The following PALM2AKAP2 variants were observed in gnomAD, a reference collection of about 807,000 sequenced individuals.
PALM2AKAP2 encodes PALM2 and AKAP2 fusion.
PALM2AKAP2 carries 37 observed loss-of-function variants against 71.5 expected under a neutral mutation model. The observed-to-expected ratio is 0.52, with a 90% CI of 0.40 to 0.68. The LOEUF is 0.68. Ranked by LOEUF, PALM2AKAP2 falls within the 30% of genes least tolerant of loss-of-function variation. PALM2AKAP2 has a pLI of 0.00. For missense variants in PALM2AKAP2, 1,224 were observed against 1,191.8 expected (o/e 1.03, Z -0.40); for synonymous variants, 468 against 478.8 (o/e 0.98, Z 0.29).
intron 1 of PALM2AKAP2, among the ~76,000 whole-genome samples, chr9:109,709,025 G>C (rs1011893703): frequency 6.6e-6 from 1 of 152,190 alleles, no homozygotes; most frequent in African/African-American, 2.4e-5. Context: ...GATGGGGCCA[G>C]CTATAGTGGT....
At chr9:109,999,168 G>A (rs1402160400) in intron 6 of PALM2AKAP2, among the ~76,000 whole-genome samples, 2 of 151,846 alleles carry the variant, frequency 1.3e-5, no homozygotes, top group Non-Finnish European at 2.9e-5. Flanking sequence ...GCGAAATCCC[G>A]TCTCTACTAA....
At chr9:109,742,679 T>C (rs960698938) in intron 1 of PALM2AKAP2, among the ~76,000 whole-genome samples, 2 of 152,222 alleles carry the variant, frequency 1.3e-5, no homozygotes, top group Admixed American at 6.5e-5. Flanking sequence ...ATTTCTTATA[T>C]ATACCACATA....
intron 1 of PALM2AKAP2, among the ~76,000 whole-genome samples, chr9:109,712,092 A>G (rs1293018405): frequency 6.6e-6 from 1 of 152,094 alleles, no homozygotes; most frequent in Non-Finnish European, 1.5e-5. Context: ...GAACTGACAG[A>G]TACATATACT....
At chr9:109,914,047 C>G (rs10453217) in intron 3 of PALM2AKAP2, among the ~76,000 whole-genome samples, 3 of 152,236 alleles carry the variant, frequency 2.0e-5, no homozygotes, top group Non-Finnish European at 2.9e-5. Context: ...TGAACCACCG[C>G]GCCCGGCCAA....
At chr9:110,059,763 C>T (rs1023695821) in intron 1 of PALM2AKAP2, among the ~76,000 whole-genome samples, 1 of 152,068 alleles carries the variant, frequency 6.6e-6, no homozygotes, top group Non-Finnish European at 1.5e-5. Context: ...TCCACCTTAC[C>T]ATCTGATCTG....
chr9:110,006,885 A>AG, intron 6 of PALM2AKAP2, among the ~76,000 whole-genome samples: 1 of 152,034 alleles, frequency 6.6e-6, no homozygotes, highest in Non-Finnish European at 1.5e-5. Context: ...CCACATCCTC[A>AG]GGGAAGGCTG....
At chr9:110,027,508 G>T (rs990163819) in intron 7 of PALM2AKAP2, among the ~76,000 whole-genome samples, 1 of 152,100 alleles carries the variant, frequency 6.6e-6, no homozygotes, top group Non-Finnish European at 1.5e-5. Context: ...AATGAAGTCT[G>T]GTATTCTTAT....
chr9:110,088,227 C>T (rs1834616359), intron 1 of PALM2AKAP2, among the ~76,000 whole-genome samples: 1 of 143,536 alleles, frequency 7.0e-6, no homozygotes, highest in Non-Finnish European at 1.5e-5. Context: ...CCATTGGTTA[C>T]TTGGTGTATG....
intron 7 of PALM2AKAP2, chr9:110,024,826 T>G (rs1385160064): frequency 6.0e-6 from 2 of 333,910 alleles, no homozygotes; most frequent in East Asian, 6.0e-5. Context: ...GGGTTTTTTG[T>G]TTTTTTTTTT....
intron 3 of PALM2AKAP2, among the ~76,000 whole-genome samples, chr9:109,908,876 TCA>T (rs1830508369): frequency 6.7e-6 from 1 of 148,822 alleles, no homozygotes; most frequent in East Asian, 2.1e-4. Flanking sequence ...AGGAAAGCTA[TCA>T]CAGAGCGCTG....
intron 4 of PALM2AKAP2, 25 bp downstream of exon 4, chr9:109,923,874 CAA>C (rs1830892333): frequency 1.2e-5 from 19 of 1,548,180 alleles, no homozygotes; most frequent in Non-Finnish European, 1.6e-5. Context: ...AACGATTTCT[CAA>C]AGTTATTTCC....
intron 1 of PALM2AKAP2, among the ~76,000 whole-genome samples, chr9:109,641,046 G>A (rs999921182): frequency 1.2e-4 from 19 of 152,232 alleles, no homozygotes; most frequent in African/African-American, 4.3e-4. Context: ...AGGGGTGGGA[G>A]CCCCGGGTGG....
intron 1 of PALM2AKAP2, among the ~76,000 whole-genome samples, chr9:110,057,927 C>T (rs953002733): frequency 6.6e-6 from 1 of 152,208 alleles, no homozygotes; most frequent in Non-Finnish European, 1.5e-5. Context: ...GGCCAAGACT[C>T]AGGACTTGAA....
chr9:109,988,723 G>C (rs1832422583), intron 6 of PALM2AKAP2, among the ~76,000 whole-genome samples: 1 of 151,970 alleles, frequency 6.6e-6, no homozygotes, highest in Non-Finnish European at 1.5e-5. Context: ...AAGGAAGAAA[G>C]GAAAAGAAAA....
chr9:110,039,666 T>C (rs1345079693), intron 7 of PALM2AKAP2, among the ~76,000 whole-genome samples: 4 of 150,670 alleles, frequency 2.7e-5, no homozygotes, highest in Non-Finnish European at 5.9e-5. Flanking sequence ...ATCCCAAGCA[T>C]GTAAAGAAAA....
At chr9:109,792,429 A>G (rs759227424) in intron 1 of PALM2AKAP2, among the ~76,000 whole-genome samples, 14 of 152,194 alleles carry the variant, frequency 9.2e-5, no homozygotes, top group Non-Finnish European at 4.4e-5. Flanking sequence ...TCCCAGCACT[A>G]AAATTGACTT....
At chr9:109,826,472 G>A (rs932567481) in intron 1 of PALM2AKAP2, among the ~76,000 whole-genome samples, 1 of 152,198 alleles carries the variant, frequency 6.6e-6, no homozygotes, top group African/African-American at 2.4e-5. Flanking sequence ...CAGCTGAAGT[G>A]TTTGATGGTG....
intron 6 of PALM2AKAP2, among the ~76,000 whole-genome samples, chr9:109,968,408 C>G (rs941790722): frequency 6.6e-6 from 1 of 152,312 alleles, no homozygotes; most frequent in African/African-American, 2.4e-5. Context: ...CTAAGCAGCT[C>G]TCTCTATTTC....
At chr9:109,732,166 C>G (rs1828565939) in intron 1 of PALM2AKAP2, among the ~76,000 whole-genome samples, 1 of 152,178 alleles carries the variant, frequency 6.6e-6, no homozygotes. Context: ...ATGTACAGAT[C>G]AATGGAAGTG....
Sources: allele counts gnomAD v4.1 joint callset (sites outside exome capture counted in the v4.1 genomes callset), GRCh38; gene constraint gnomAD v4.1.1; transcripts MANE v1.5; gene names NCBI Gene and HGNC (gene_info 2026-07-23, HGNC 2026-07-21).